Variants in ADGRG4 observed in about 807,000 individuals in gnomAD.
The protein encoded by ADGRG4 is adhesion G protein-coupled receptor G4.
A neutral mutation model predicts 126.2 loss-of-function variants in ADGRG4; 122 were observed. That is an observed-to-expected ratio of 0.97 (90% CI 0.83 to 1.12). The LOEUF is 1.12. Ranked by LOEUF, ADGRG4 falls within the 50% of genes most tolerant of loss-of-function variation. The probability of loss-of-function intolerance (pLI) is 0.00; values close to 1 mark genes in which losing one functional copy is unlikely to be tolerated. For missense variants in ADGRG4, 2,481 were observed against 2,251.8 expected (o/e 1.10, Z -2.06); for synonymous variants, 943 against 838.7 (o/e 1.12, Z -2.15).
rs1334794435 is a variant in ADGRG4, at chrX:136,301,774, G to A, written c.-254+774G>A. Reference sequence around the variant, plus strand: ...GATTTTTGTATAAGGTGTAAGGAAGGGATCCCGTTTCAGCTTTCTCCATAT... The same window carrying A: ...GATTTTTGTATAAGGTGTAAGGAAGAGATCCCGTTTCAGCTTTCTCCATAT... On this transcript the variant is annotated intron_variant, in intron 1 of 25. Coordinates refer to ENST00000394143, the MANE Select transcript of ADGRG4 (RefSeq NM_153834.4). 2.0e-4 allele frequency among the ~76,000 whole-genome samples: 22 copies of A among 111,738 alleles called. No individual in the cohort carries two copies. In the East Asian group the frequency reaches 5.0e-3, roughly 26 times the overall value.
At chrX:136,343,529 C>T (rs1395267494) in intron 5 of ADGRG4, among the ~76,000 whole-genome samples, 2 of 111,004 alleles carry the variant, frequency 1.8e-5, no homozygotes, top group Admixed American at 9.6e-5. Flanking sequence ...AAGCGTTGGT[C>T]AGGTAAAATA....
intron 12 of ADGRG4, among the ~76,000 whole-genome samples, chrX:136,363,176 A>G (rs986393972): frequency 1.8e-5 from 2 of 111,863 alleles, no homozygotes; most frequent in African/African-American, 3.2e-5. Context: ...TCATGTCTAG[A>G]GGACCAGAAT....
intron 8 of ADGRG4, among the ~76,000 whole-genome samples, chrX:136,354,306 G>A (rs977937925): frequency 6.3e-5 from 7 of 111,635 alleles, no homozygotes; most frequent in Admixed American, 3.8e-4. Flanking sequence ...AGTTCCGGAG[G>A]CTGGGAAGTC....
At chrX:136,401,713 G>A (rs766610739) in intron 21 of ADGRG4, among the ~76,000 whole-genome samples, 46 of 112,310 alleles carry the variant, frequency 4.1e-4, no homozygotes, top group Non-Finnish European at 6.9e-4. Context: ...GGGAATGGAT[G>A]ACCGCCACGT....
chrX:136,351,815 G>A (rs1293185737), intron 7 of ADGRG4, among the ~76,000 whole-genome samples: 3 of 110,588 alleles, frequency 2.7e-5, no homozygotes, highest in Non-Finnish European at 5.7e-5. Context: ...TTTCCCTTTA[G>A]AGACACAAAT....
Position 136,405,911 on chromosome X carries a change from T to A in ADGRG4, c.8874T>A (p.Phe2958Leu). Residue 2958 changes from phenylalanine to leucine, a missense_variant, in exon 23 of 26, where the codon TTT becomes TTA. Transcript: ENST00000394143. ...GCCTCACCTGGGGGTTTGCATTTTTTGCTTGGGGACCCATGAGGAACTTTT... is the reference window on the plus strand; with the variant it reads ...GCCTCACCTGGGGGTTTGCATTTTTAGCTTGGGGACCCATGAGGAACTTTT... ...LLGLTWGFAF[F>L]AWGPMRNFFL... 2.5e-6 allele frequency: 3 copies of A among 1,178,367 alleles called. No individual in the cohort carries two copies. The highest frequency in any genetic ancestry group is 3.4e-6 in the Non-Finnish European group (3 of 877,654).
In ADGRG4 at chrX:136,356,172, A is replaced by G; in HGVS notation, c.6927+7A>G. Reference sequence around the variant, plus strand: ...GGTCATGGATCGAGCTATTGTAAGTAATTTTTCAAAATGAATCTACTTGTG... The same window carrying G: ...GGTCATGGATCGAGCTATTGTAAGTGATTTTTCAAAATGAATCTACTTGTG... On this transcript the variant is annotated splice_region_variant and intron_variant, in intron 9 of 25. Transcript: ENST00000394143. 2 of 1,146,222 alleles carry G rather than the reference A, an allele frequency of 1.7e-6. No individual in the cohort carries two copies. Among genetic ancestry groups the G allele is most frequent in the Non-Finnish European group, 2.4e-6 (2 of 841,284 alleles). The allele number at this position is 1,146,222 out of a possible 1,213,427, so 94.5% of individuals were successfully genotyped here.
rs779981070 is a variant in ADGRG4, at chrX:136,345,795, T to A, written c.2089T>A (p.Ser697Thr). Reference protein sequence around the residue: ...HENTTYTEYLSATTNITPLKA... With the variant: ...HENTTYTEYLTATTNITPLKA... Reference sequence around the variant, plus strand: ...GAATACTACTTATACAGAATATTTATCCGCAACTACCAATATCACCCCACT... The same window carrying A: ...GAATACTACTTATACAGAATATTTAACCGCAACTACCAATATCACCCCACT... The change falls in exon 6 of 26, where the codon TCC becomes ACC. Residue 697 changes from serine to threonine, a missense_variant. By Grantham distance (58) the Ser-to-Thr change is moderately conservative (BLOSUM62 1). Transcript: ENST00000394143. 1 of 1,210,344 alleles carries A rather than the reference T, an allele frequency of 8.3e-7. No homozygotes were observed. The highest frequency in any genetic ancestry group is 2.2e-5 in the Admixed American group (1 of 45,943).
intron 3 of ADGRG4, among the ~76,000 whole-genome samples, chrX:136,307,450 C>T (rs2074741265): frequency 8.9e-6 from 1 of 112,373 alleles, no homozygotes; most frequent in African/African-American, 3.2e-5. Flanking sequence ...AAGATTTAGA[C>T]ACCCCCTTAC....
At chrX:136,391,695 G>A (rs746856736) in intron 16 of ADGRG4, among the ~76,000 whole-genome samples, 4 of 112,327 alleles carry the variant, frequency 3.6e-5, no homozygotes, top group Non-Finnish European at 7.5e-5. Context: ...CTGGGCTCTG[G>A]CCTCAGAGCT....
chrX:136,315,222 G>A (rs2074797760), intron 4 of ADGRG4, among the ~76,000 whole-genome samples: 1 of 110,589 alleles, frequency 9.0e-6, no homozygotes, highest in Non-Finnish European at 1.9e-5. Context: ...GCACACTATG[G>A]CCATGGTGAT....
intron 5 of ADGRG4, among the ~76,000 whole-genome samples, chrX:136,334,074 CTCTTTCTTTCTT>C (rs201233200): frequency 0.11 from 9,818 of 88,685 alleles, 550 homozygotes; most frequent in African/African-American, 0.14. Flanking sequence ...GAGGTTCTCT[CTCTTTCTTTCTT>C]TCTTTCTTTC....
intron 5 of ADGRG4, among the ~76,000 whole-genome samples, chrX:136,337,090 A>G (rs2074952309): frequency 9.0e-6 from 1 of 111,007 alleles, no homozygotes; most frequent in Non-Finnish European, 1.9e-5. Flanking sequence ...TCGGTTTCCC[A>G]AGTAGCTGGG....
At chrX:136,412,180 C>A in intron 23 of ADGRG4, 85 bp from the exon 24 acceptor site, 1 of 618,294 alleles carries the variant, frequency 1.6e-6, no homozygotes, top group Non-Finnish European at 2.7e-6. Flanking sequence ...TAGTATCTCT[C>A]ATGACAGAAG....
chrX:136,399,002 A>G (rs1013115266), intron 20 of ADGRG4, among the ~76,000 whole-genome samples: 1 of 112,660 alleles, frequency 8.9e-6, no homozygotes, highest in Non-Finnish European at 1.9e-5. Context: ...TCATAGACAT[A>G]GAATTGAGCA....
chrX:136,351,248 A>G (rs998517642), intron 6 of ADGRG4, among the ~76,000 whole-genome samples, 199 bp from the exon 7 acceptor site: 4 of 111,400 alleles, frequency 3.6e-5, no homozygotes, highest in Admixed American at 1.9e-4. Context: ...CAAAACTGGG[A>G]TGGTAACGTC....
At chrX:136,361,841 C>T (rs757911562) in intron 12 of ADGRG4, among the ~76,000 whole-genome samples, 150 of 112,045 alleles carry the variant, frequency 1.3e-3, no homozygotes, top group Non-Finnish European at 1.4e-3. Flanking sequence ...AAAAGTCACC[C>T]ATAACCCCAC....
At position 136,347,837 on chromosome X, in the gene ADGRG4, T is replaced by C. The variant is rs1485246168; in HGVS notation, c.4131T>C (p.Cys1377=). 5 of 1,209,167 alleles carry C rather than the reference T, an allele frequency of 4.1e-6. No individual in the cohort carries two copies. In the African/African-American group the frequency reaches 5.2e-5, roughly 13 times the overall value. ...SQALTITTFL[C]PEKESTSALP... Reference sequence around the variant, plus strand: ...CTCTGACAATCACCACTTTTTTGTGTCCTGAAAAGGAAAGCACGAGTGCCC... The same window carrying C: ...CTCTGACAATCACCACTTTTTTGTGCCCTGAAAAGGAAAGCACGAGTGCCC... Residue 1377 remains cysteine, a synonymous_variant, in exon 6 of 26, where the codon TGT becomes TGC. Transcript: ENST00000394143.
rs777020710 is a variant in ADGRG4, at chrX:136,348,187, T to A, written c.4481T>A (p.Val1494Glu). The change falls in exon 6 of 26, where the codon GTA becomes GAA. Residue 1494 changes from valine (V) to glutamate (E), a missense_variant. By Grantham distance (121) the Val-to-Glu change is moderately radical. Coordinates refer to ENST00000394143, the MANE Select transcript of ADGRG4 (RefSeq NM_153834.4). ...RITTAFSVPN[V>E]PTMLPRESSM... ...ACTACAGCCTTTTCTGTTCCAAATG[T>A]ACCTACAATGCTTCCTAGAGAATCC... 1 of 1,207,249 alleles carries A rather than the reference T, an allele frequency of 8.3e-7. No homozygotes were observed. Among genetic ancestry groups the A allele is most frequent in the Non-Finnish European group, 1.1e-6 (1 of 891,619 alleles).
Sources: allele counts gnomAD v4.1 joint callset (sites outside exome capture counted in the v4.1 genomes callset), GRCh38; gene constraint gnomAD v4.1.1; transcripts MANE v1.5; gene names NCBI Gene and HGNC (gene_info 2026-07-23, HGNC 2026-07-21).